The following CD6 variants were observed in gnomAD, a reference collection of about 807,000 sequenced individuals.
The protein encoded by CD6 is CD6 molecule.
A neutral mutation model predicts 75.3 loss-of-function variants in CD6; 53 were observed. The ratio of observed to expected loss-of-function variants is 0.70; its 90% CI spans 0.56 to 0.88. The LOEUF (loss-of-function observed/expected upper bound fraction) is 0.88, where lower values mean the gene tolerates loss of function less well. Ranked by LOEUF, CD6 falls within the 40% of genes least tolerant of loss-of-function variation. The pLI, the probability that CD6 is intolerant of heterozygous loss-of-function variation, is 0.00. For missense variants in CD6, 770 were observed against 897.1 expected (o/e 0.86, Z 1.81); for synonymous variants, 359 against 381.5 (o/e 0.94, Z 0.69).
In CD6 at chr11:61,004,066, T is replaced by G. The variant is rs1565154300; in HGVS notation, c.50-2508T>G. 2.6e-5 allele frequency among the ~76,000 whole-genome samples: 4 copies of G among 152,110 alleles called. No homozygotes were observed. The South Asian group carries it at 6.2e-4, about 24-fold the overall frequency. On this transcript the variant is annotated intron_variant, in intron 1 of 12. Transcript: ENST00000313421. ...CAGCCATGGGCCCTGCCCTCTAGGG[T>G]TTTCTGATCTAGGAGAACACATTTT...
intron 5 of CD6, among the ~76,000 whole-genome samples, chr11:61,010,802 G>A (rs909340070): frequency 1.3e-5 from 2 of 152,160 alleles, no homozygotes; most frequent in Non-Finnish European, 2.9e-5. Context: ...TTTGTGGTCT[G>A]TAGCAGCTTA....
At chr11:60,989,608 A>G (rs1312577374) in intron 1 of CD6, among the ~76,000 whole-genome samples, 1 of 152,244 alleles carries the variant, frequency 6.6e-6, no homozygotes, top group African/African-American at 2.4e-5. Flanking sequence ...GGCAGAGCGC[A>G]GCATGGCTCA....
intron 1 of CD6, among the ~76,000 whole-genome samples, chr11:60,990,808 A>AGATCACC (rs1565147510): frequency 8.6e-5 from 7 of 81,848 alleles, no homozygotes; most frequent in South Asian, 8.3e-4. Context: ...CCTACTGGAC[A>AGATCACC]TATTGTTCTG....
At chr11:60,990,216 CATTTGTTT>C (rs1858006116) in intron 1 of CD6, among the ~76,000 whole-genome samples, 2 of 152,066 alleles carry the variant, frequency 1.3e-5, no homozygotes, top group Non-Finnish European at 2.9e-5. Flanking sequence ...TTGAGAATGA[CATTTGTTT>C]ATTTGTTTAT....
At chr11:61,003,965 G>A (rs1406168547) in intron 1 of CD6, among the ~76,000 whole-genome samples, 1 of 88,820 alleles carries the variant, frequency 1.1e-5, no homozygotes, top group Non-Finnish European at 2.3e-5. Flanking sequence ...CTGCCTTGGA[G>A]CTGGCAGCTG....
rs1238813180 is a variant in CD6 at position 61,009,638 on chromosome 11, G to T, written c.848G>T (p.Arg283Leu). The change falls in exon 5 of 13, where the codon CGA (arginine) becomes CTA (leucine). Residue 283 changes from arginine (R) to leucine (L), a missense_variant. Physicochemically the swap from Arg to Leu is moderately radical, Grantham distance 102 (BLOSUM62 -2). Coordinates refer to ENST00000313421, the MANE Select transcript of CD6 (RefSeq NM_006725.5). ...RCEGQVEVHF[R>L]GVWNTVCDSE... is the part of the protein sequence containing the mutation. ...GAGGGGCAGGTGGAGGTACACTTCC[G>T]AGGGGTCTGGAACACAGTGTGTGAC... The T allele has an allele frequency of 6.2e-7, 1 of 1,613,882 alleles. No homozygotes were observed. Among genetic ancestry groups the T allele is most frequent in the East Asian group, 2.2e-5 (1 of 44,892 alleles).
intron 1 of CD6, among the ~76,000 whole-genome samples, chr11:61,003,902 G>A (rs187490884): frequency 7.0e-4 from 106 of 151,898 alleles, no homozygotes; most frequent in African/African-American, 2.5e-3. Context: ...ATAGGGGATG[G>A]GAGAATGCTT....
intron 1 of CD6, among the ~76,000 whole-genome samples, chr11:60,976,874 T>C (rs1222016822): frequency 1.3e-5 from 2 of 152,208 alleles, no homozygotes; most frequent in Admixed American, 6.5e-5. Flanking sequence ...TAAACACACA[T>C]GTTTACTTTT....
At chr11:60,999,912 GC>G (rs750329868) in intron 1 of CD6, among the ~76,000 whole-genome samples, 27 of 151,886 alleles carry the variant, frequency 1.8e-4, no homozygotes, top group Non-Finnish European at 3.2e-4. Context: ...AATTAGCCAG[GC>G]ATGGTGGCAG....
intron 1 of CD6, among the ~76,000 whole-genome samples, chr11:60,991,323 T>C (rs543092120): frequency 1.1e-4 from 16 of 151,894 alleles, no homozygotes; most frequent in African/African-American, 3.9e-4. Flanking sequence ...GCTAATTGTT[T>C]TGTATTTTTA....
At chr11:60,982,514 G>A (rs1857609248) in intron 1 of CD6, 6 of 449,682 alleles carry the variant, frequency 1.3e-5, no homozygotes, top group South Asian at 7.8e-5. Flanking sequence ...GGAGCAGGCG[G>A]GCGCGGGGAG....
intron 8 of CD6, among the ~76,000 whole-genome samples, chr11:61,014,782 A>G (rs891197540): frequency 6.6e-6 from 1 of 152,136 alleles, no homozygotes; most frequent in Non-Finnish European, 1.5e-5. Flanking sequence ...TTTATGATAT[A>G]TGGATTTATA....
chr11:60,996,178 C>A (rs1858286590), intron 1 of CD6, among the ~76,000 whole-genome samples: 1 of 152,212 alleles, frequency 6.6e-6, no homozygotes, highest in East Asian at 1.9e-4. Flanking sequence ...CGTGGTCTTG[C>A]TTTGACAATT....
At chr11:60,994,695 A>G (rs1233023750) in intron 1 of CD6, among the ~76,000 whole-genome samples, 1 of 152,210 alleles carries the variant, frequency 6.6e-6, no homozygotes, top group East Asian at 1.9e-4. Flanking sequence ...AAAGCACATG[A>G]GCCAAGTTCT....
At chr11:61,018,830 A>G (rs574220925) in intron 12 of CD6, 1 of 239,344 alleles carries the variant, frequency 4.2e-6, no homozygotes, top group Non-Finnish European at 8.1e-6. Context: ...TCTACAAGAA[A>G]ACAAACACAA....
intron 1 of CD6, among the ~76,000 whole-genome samples, chr11:60,992,783 G>A (rs1414252649): frequency 2.6e-5 from 4 of 152,056 alleles, no homozygotes; most frequent in South Asian, 2.1e-4. Flanking sequence ...AACCAAGATC[G>A]TGCCACTACA....
Position 61,007,581 on chromosome 11 carries a change from T to C in CD6, c.140T>C (p.Leu47Pro). 6.7e-7 allele frequency: 1 copy of C among 1,502,998 alleles called. No individual in the cohort carries two copies. The highest frequency in any genetic ancestry group is 1.3e-5 in the South Asian group (1 of 79,942). The allele number at this position is 1,502,998 out of a possible 1,614,324, so 93.1% of individuals were successfully genotyped here. A position where few individuals can be genotyped will look rare whatever the true frequency, so the allele number is the denominator to read the frequency against. The change falls in exon 3 of 13, where the codon CTG becomes CCG. Residue 47 changes from leucine to proline, a missense_variant. Coordinates refer to ENST00000313421, the MANE Select transcript of CD6 (RefSeq NM_006725.5). This position sits in a 1 kb window ranked among gnomAD's most constrained non-coding sequence, Gnocchi z 4.2. ...CCAGGGGAGCGGCTTCCGGTCCGTCTGACAAACGGGAGCAGCAGCTGCAGC... is the reference window on the plus strand; with the variant it reads ...CCAGGGGAGCGGCTTCCGGTCCGTCCGACAAACGGGAGCAGCAGCTGCAGC... Reference protein sequence around the residue: ...WEPGERLPVRLTNGSSSCSGT... With the variant: ...WEPGERLPVRPTNGSSSCSGT...
intron 6 of CD6, among the ~76,000 whole-genome samples, chr11:61,012,403 C>T (rs1859194290): frequency 6.6e-6 from 1 of 152,252 alleles, no homozygotes; most frequent in Non-Finnish European, 1.5e-5. Flanking sequence ...CCGCAACACC[C>T]AGCCTCACTC....
intron 1 of CD6, among the ~76,000 whole-genome samples, chr11:60,998,456 A>C (rs1331673104): frequency 6.6e-6 from 1 of 152,202 alleles, no homozygotes; most frequent in South Asian, 2.1e-4. Context: ...CGGGGCCAGA[A>C]AGTGAAAGAA....
Sources: gnomAD v4.1 joint callset for allele counts (sites outside exome capture counted in the v4.1 genomes callset) on GRCh38, gnomAD v4.1.1 for gene constraint, Gnocchi (gnomAD v3.1) non-coding constraint, MANE v1.5 for transcripts, NCBI Gene and HGNC (gene_info 2026-07-23, HGNC 2026-07-21) for gene names.